Variants in DGKB observed in about 807,000 individuals in gnomAD.
DGKB encodes diacylglycerol kinase beta.
DGKB carries 67 observed loss-of-function variants against 114.3 expected under a neutral mutation model. The observed-to-expected ratio is 0.59, with a 90% CI of 0.48 to 0.72. The LOEUF is 0.72. Among genes scored for constraint, DGKB ranks in the 30% least tolerant of loss-of-function variants. The pLI is 0.00. For synonymous variants in DGKB, 398 were observed against 323.1 expected (o/e 1.23, Z -2.49); for missense variants, 907 against 975.2 (o/e 0.93, Z 0.93).
At chr7:14,872,829 TATATA>T (rs200973655) in intron 1 of DGKB, among the ~76,000 whole-genome samples, 2,729 of 149,578 alleles carry the variant, frequency 0.018, 92 homozygotes, top group African/African-American at 0.063. Flanking sequence ...ATTTATAATG[TATATA>T]ATATATTTCA....
intron 12 of DGKB, among the ~76,000 whole-genome samples, chr7:14,679,644 C>G (rs1432215412): frequency 1.3e-5 from 2 of 152,052 alleles, no homozygotes; most frequent in Non-Finnish European, 2.9e-5. Context: ...TGCCATATCC[C>G]ATTACTCCCA....
chr7:14,471,325 A>T (rs374641930), intron 21 of DGKB, among the ~76,000 whole-genome samples: 1 of 6,650 alleles, frequency 1.5e-4, no homozygotes. Flanking sequence ...ATATGTATGG[A>T]ATATATGTGT....
chr7:14,728,735 G>A (rs1446553721), intron 5 of DGKB, among the ~76,000 whole-genome samples: 2 of 144,246 alleles, frequency 1.4e-5, no homozygotes, highest in African/African-American at 2.6e-5. Context: ...ATGGAGTCTC[G>A]CTCTGTCGTG....
intron 9 of DGKB, among the ~76,000 whole-genome samples, chr7:14,690,675 G>A (rs569416265): frequency 2.0e-5 from 3 of 152,310 alleles, no homozygotes; most frequent in African/African-American, 7.2e-5. Context: ...TAGCAGTTAA[G>A]GCGGAGACCT....
At chr7:14,764,653 T>G (rs2128460240) in intron 2 of DGKB, among the ~76,000 whole-genome samples, 1 of 152,002 alleles carries the variant, frequency 6.6e-6, no homozygotes, top group Non-Finnish European at 1.5e-5. Context: ...CTTAAATACA[T>G]GCATAAAGAA....
At chr7:14,636,415 G>C (rs1045562463) in intron 13 of DGKB, among the ~76,000 whole-genome samples, 3 of 151,796 alleles carry the variant, frequency 2.0e-5, no homozygotes, top group Non-Finnish European at 4.4e-5. Flanking sequence ...TGAAATAAAA[G>C]AGGGTAGCGA....
intron 16 of DGKB, among the ~76,000 whole-genome samples, chr7:14,612,453 A>T (rs929340563): frequency 6.6e-6 from 1 of 151,818 alleles, no homozygotes; most frequent in Non-Finnish European, 1.5e-5. Flanking sequence ...ATAATCTTAC[A>T]CTCTTTAAAG....
At chr7:14,607,980 G>A (rs1458813864) in intron 16 of DGKB, among the ~76,000 whole-genome samples, 1 of 151,910 alleles carries the variant, frequency 6.6e-6, no homozygotes, top group African/African-American at 2.4e-5. Context: ...CATTGTATAT[G>A]TGTACATGTA....
At chr7:14,537,915 T>C (rs1222145523) in intron 20 of DGKB, among the ~76,000 whole-genome samples, 1 of 152,022 alleles carries the variant, frequency 6.6e-6, no homozygotes, top group Admixed American at 6.6e-5. Flanking sequence ...ACCCCGTCTC[T>C]ACTAATAATA....
chr7:14,287,956 G>T (rs1801135649), intron 23 of DGKB, among the ~76,000 whole-genome samples: 1 of 151,996 alleles, frequency 6.6e-6, no homozygotes, highest in African/African-American at 2.4e-5. Context: ...AGTCCTGTTG[G>T]AATACACTGG....
chr7:14,972,302 G>A (rs568158280), intron 1 of DGKB, among the ~76,000 whole-genome samples: 11 of 152,002 alleles, frequency 7.2e-5, no homozygotes, highest in African/African-American at 2.4e-4. Flanking sequence ...TACTCTAAAA[G>A]CTATTTGATG....
intron 21 of DGKB, among the ~76,000 whole-genome samples, chr7:14,457,111 A>T (rs1720017508): frequency 6.6e-6 from 1 of 152,192 alleles, no homozygotes. Flanking sequence ...TAAAGTCTTC[A>T]GTCACCACAC....
At chr7:14,304,678 T>C (rs923141183) in intron 23 of DGKB, among the ~76,000 whole-genome samples, 4 of 152,176 alleles carry the variant, frequency 2.6e-5, no homozygotes, top group Non-Finnish European at 5.9e-5. Context: ...TGTCATCTGA[T>C]TTTCAATTTT....
At chr7:14,433,237 A>G (rs991533203) in intron 21 of DGKB, among the ~76,000 whole-genome samples, 5 of 152,180 alleles carry the variant, frequency 3.3e-5, no homozygotes, top group African/African-American at 7.2e-5. Context: ...AGAGCTCCCC[A>G]TGAGATTAGC....
intron 23 of DGKB, among the ~76,000 whole-genome samples, chr7:14,235,913 C>A (rs540403516): frequency 1.3e-5 from 2 of 152,074 alleles, no homozygotes; most frequent in African/African-American, 2.4e-5. Context: ...ACCTAGTGCA[C>A]GTGTGCACAT....
Position 14,829,884 on chromosome 7 carries a change from C to T in DGKB, c.70+11310G>A, listed in dbSNP as rs994546732. 4.6e-5 allele frequency among the ~76,000 whole-genome samples: 7 copies of T among 152,042 alleles called. No homozygotes were observed. In the South Asian group the frequency reaches 6.2e-4, roughly 13 times the overall value. On this transcript the variant is annotated intron_variant, in intron 2 of 25. Coordinates refer to ENST00000402815, the MANE Select transcript of DGKB (RefSeq NM_001350709.2). ...CTTGTGGCTACAGTTATTGCTACTT[C>T]GGAAATACTTCCCAGAAATGCTGAG...
chr7:14,835,892 G>C (rs1372848966), intron 2 of DGKB, among the ~76,000 whole-genome samples: 1 of 152,060 alleles, frequency 6.6e-6, no homozygotes, highest in Non-Finnish European at 1.5e-5. Context: ...GCCATAAACA[G>C]CAATAATTTG....
chr7:14,259,926 A>C (rs1156461257), intron 23 of DGKB, among the ~76,000 whole-genome samples: 1 of 152,112 alleles, frequency 6.6e-6, no homozygotes, highest in African/African-American at 2.4e-5. Context: ...TCCAATATTA[A>C]ATGGTGTTCC....
At chr7:14,223,755 G>C (rs1202033508) in intron 23 of DGKB, among the ~76,000 whole-genome samples, 1 of 151,600 alleles carries the variant, frequency 6.6e-6, no homozygotes, top group East Asian at 1.9e-4. Context: ...ATTTATGAGA[G>C]ACTTTTGATC....
Sources: allele counts gnomAD v4.1 joint callset (sites outside exome capture counted in the v4.1 genomes callset), GRCh38; gene constraint gnomAD v4.1.1; transcripts MANE v1.5; gene names NCBI Gene and HGNC (gene_info 2026-07-23, HGNC 2026-07-21).